The following VWA5B2 variants were observed in gnomAD, a reference collection of about 807,000 sequenced individuals.
The protein encoded by VWA5B2 is von Willebrand factor A domain-containing protein 5B2.
VWA5B2 carries 93 observed loss-of-function variants against 118.5 expected under a neutral mutation model. The ratio of observed to expected loss-of-function variants is 0.79; its 90% CI spans 0.66 to 0.93. The LOEUF (loss-of-function observed/expected upper bound fraction) is 0.93, where lower values mean the gene tolerates loss of function less well. Among genes scored for constraint, VWA5B2 ranks in the 40% least tolerant of loss-of-function variants. VWA5B2 has a pLI of 0.00. For synonymous variants in VWA5B2, 708 were observed against 716.3 expected, an observed-to-expected ratio of 0.99 and a Z score of 0.19; for missense variants, 1,546 against 1,672.8, an observed-to-expected ratio of 0.92 and a Z score of 1.32.
In VWA5B2 at chr3:184,237,267, T is replaced by C; in HGVS notation, c.1575T>C (p.Ser525=). The change falls in exon 12 of 20, where the codon AGT becomes AGC. Residue 525 remains serine (S), a synonymous_variant. Transcript: ENST00000691901. The surrounding 1 kb of genome is among the most constrained non-coding windows in gnomAD (Gnocchi z 5.6). ...ALRKALEPAL[S]DISVDWFVPD... ...GGAAGGCACTGGAGCCTGCTTTGAG[T>C]GACATCTCTGTGGACTGGTTTGTGC... 6.4e-7 allele frequency: 1 copy of C among 1,551,610 alleles called. No individual in the cohort carries two copies. Among genetic ancestry groups the C allele is most frequent in the Non-Finnish European group, 8.7e-7 (1 of 1,146,984 alleles).
In VWA5B2 at chr3:184,238,550, T is replaced by G; in HGVS notation, c.1892-13T>G. On this transcript the variant is annotated splice_polypyrimidine_tract_variant and intron_variant, in intron 13 of 19. Transcript: ENST00000691901. This position sits in a 1 kb window ranked among gnomAD's most constrained non-coding sequence, Gnocchi z 5.0. ...GGGTCAGGGCTAGGGCCCATTCTACTGCCTCCCAGCAGGTACTGATGCTCT... is the reference window on the plus strand; with the variant it reads ...GGGTCAGGGCTAGGGCCCATTCTACGGCCTCCCAGCAGGTACTGATGCTCT... The G allele has an allele frequency of 6.5e-7, 1 of 1,541,832 alleles. No individual in the cohort carries two copies. The highest frequency in any genetic ancestry group is 2.5e-5 in the East Asian group (1 of 40,666).
Position 184,237,432 on chromosome 3 carries a change from G to A in VWA5B2, c.1719+21G>A, listed in dbSNP as rs1718118103. The stretch of plus-strand genomic sequence containing the variant: ...CAGGGGTAAGCTTGGGCTGGGGTGT[G>A]GTAGGGGGGCTAGGGTGAGGTAGGG... On this transcript the variant is annotated intron_variant, in intron 12 of 19. Transcript: ENST00000691901. The surrounding 1 kb of genome is among the most constrained non-coding windows in gnomAD (Gnocchi z 5.6). 6 of 1,539,336 alleles carry A rather than the reference G, an allele frequency of 3.9e-6. No individual in the cohort carries two copies. The highest frequency in any genetic ancestry group is 4.4e-6 in the Non-Finnish European group (5 of 1,138,526).
At position 184,234,367 on chromosome 3, in the gene VWA5B2, CG is replaced by C. The variant is rs1717735623; in HGVS notation, c.793del (p.Ala265ProfsTer16). ...VTLAEGHHCD[R>X]ALEILLHPSE... is the part of the protein sequence containing the mutation. ...ACTGGCAGAGGGCCACCACTGTGACCGGGCCTTGGAGATCCTGCTGCACCCC... is the reference window on the plus strand; with the variant it reads ...ACTGGCAGAGGGCCACCACTGTGACCGGCCTTGGAGATCCTGCTGCACCCC... On this transcript the variant is annotated frameshift_variant, in exon 6 of 20. Coordinates refer to ENST00000691901, the MANE Select transcript of VWA5B2 (RefSeq NM_001390846.1). LOFTEE classifies it high-confidence loss of function. 6.4e-7 allele frequency: 1 copy of C among 1,551,640 alleles called. No individual in the cohort carries two copies. The highest frequency in any genetic ancestry group is 1.4e-5 in the African/African-American group (1 of 73,062).
intron 3 of VWA5B2, among the ~76,000 whole-genome samples, chr3:184,231,685 G>A (rs1027776898): frequency 2.6e-5 from 4 of 152,254 alleles, no homozygotes; most frequent in Non-Finnish European, 4.4e-5. Context: ...GGCCCAGCGA[G>A]TGCCCGGGGA....
chr3:184,240,782 G>A lies in VWA5B2; in HGVS notation c.2741-9G>A. On this transcript the variant is annotated splice_polypyrimidine_tract_variant and intron_variant, in intron 16 of 19. Transcript: ENST00000691901. ...TGGGGGCTCCACAGACTGCTCCTTGGTTCCACAGGCCATGCCCGGAGGTGC... is the reference window on the plus strand; with the variant it reads ...TGGGGGCTCCACAGACTGCTCCTTGATTCCACAGGCCATGCCCGGAGGTGC... 6.5e-7 allele frequency: 1 copy of A among 1,550,260 alleles called. No individual in the cohort carries two copies. Among genetic ancestry groups the A allele is most frequent in the Non-Finnish European group, 8.7e-7 (1 of 1,146,898 alleles).
intron 3 of VWA5B2, chr3:184,232,719 T>C (rs1717520066): frequency 6.2e-6 from 1 of 162,016 alleles, no homozygotes; most frequent in African/African-American, 2.4e-5. Flanking sequence ...GAGTAGAGAA[T>C]TCTGGAGCCA....
chr3:184,230,427 G>A lies in VWA5B2; in HGVS notation c.-102G>A. 7.8e-7 allele frequency: 1 copy of A among 1,289,088 alleles called. No homozygotes were observed. The allele number at this position is 1,289,088 out of a possible 1,614,324, so 79.9% of individuals were successfully genotyped here. On this transcript the variant is annotated 5_prime_UTR_variant, in exon 2 of 20. Transcript: ENST00000691901. ...CCCGGCAGGCCCCGTCCGGGTGCTG[G>A]AGTGAGACTCTCGCGCTGGCCTCTG...
chr3:184,238,476 T>C lies in VWA5B2; in HGVS notation c.1891+2T>C. 2 of 1,543,488 alleles carry C rather than the reference T, an allele frequency of 1.3e-6. No homozygotes were observed. The highest frequency in any genetic ancestry group is 1.2e-5 in the South Asian group (1 of 83,566). ...GGGCTGCCAGGGACTCGGAGCAGAG[T>C]GAGTGCCCAGGTGTATGTGTGTGGC... On this transcript the variant is annotated splice_donor_variant, in intron 13 of 19. Coordinates refer to ENST00000691901, the MANE Select transcript of VWA5B2 (RefSeq NM_001390846.1). LOFTEE classifies it high-confidence loss of function. This position sits in a 1 kb window ranked among gnomAD's most constrained non-coding sequence, Gnocchi z 5.0.
rs1021578020 is a variant in VWA5B2, at chr3:184,233,866, C to T, written c.688+133C>T. 1 of 1,282,344 alleles carries T rather than the reference C, an allele frequency of 7.8e-7. No homozygotes were observed. Among genetic ancestry groups the T allele is most frequent in the Non-Finnish European group, 1.1e-6 (1 of 948,936 alleles). The allele number at this position is 1,282,344 out of a possible 1,614,324, so 79.4% of individuals were successfully genotyped here. A position where few individuals can be genotyped will look rare whatever the true frequency, so the allele number is the denominator to read the frequency against. On this transcript the variant is annotated intron_variant, in intron 5 of 19. Transcript: ENST00000691901. The surrounding 1 kb of genome is among the most constrained non-coding windows in gnomAD (Gnocchi z 5.2). ...ACAGGGACCCCAGCCTCCGGAACAT[C>T]TGGGTTAGTGGTGGGAGCATCCCCT...
chr3:184,241,289 GCCCAC>G lies in VWA5B2; in HGVS notation c.3067_3071del (p.Pro1023SerfsTer17), dbSNP rs1718601989. 2 of 1,551,146 alleles carry G rather than the reference GCCCAC, an allele frequency of 1.3e-6. No individual in the cohort carries two copies. Among genetic ancestry groups the G allele is most frequent in the Admixed American group, 3.9e-5 (2 of 50,980 alleles). ...GCCACTCCCACGGAAGGTCCTCGCCGCCCACCTCCCCGTCCTCCCTGTCGGCTCAG... is the reference window on the plus strand; with the variant it reads ...GCCACTCCCACGGAAGGTCCTCGCCGCTCCCCGTCCTCCCTGTCGGCTCAG... On this transcript the variant is annotated frameshift_variant, in exon 19 of 20. Transcript: ENST00000691901. LOFTEE classifies it high-confidence loss of function. This position sits in a 1 kb window ranked among gnomAD's most constrained non-coding sequence, Gnocchi z 5.1.
At position 184,230,443 on chromosome 3, in the gene VWA5B2, C is replaced by G. The variant is rs1173306886; in HGVS notation, c.-86C>G. On this transcript the variant is annotated 5_prime_UTR_variant, in exon 2 of 20. Transcript: ENST00000691901. ...CGGGTGCTGGAGTGAGACTCTCGCGCTGGCCTCTGGAGCGCGGGGTGGGCG... is the reference window on the plus strand; with the variant it reads ...CGGGTGCTGGAGTGAGACTCTCGCGGTGGCCTCTGGAGCGCGGGGTGGGCG... 1 of 1,331,458 alleles carries G rather than the reference C, an allele frequency of 7.5e-7. No homozygotes were observed. Among genetic ancestry groups the G allele is most frequent in the African/African-American group, 1.6e-5 (1 of 64,232 alleles). The allele number at this position is 1,331,458 out of a possible 1,614,324, so 82.5% of individuals were successfully genotyped here.
Position 184,241,864 on chromosome 3 carries a change from C to G in VWA5B2, c.3555C>G (p.Asp1185Glu), listed in dbSNP as rs780920014. The change falls in exon 20 of 20, where the codon GAC becomes GAG. Residue 1185 changes from aspartate (D) to glutamate (E), a missense_variant. Asp to Glu is a conservative substitution (Grantham distance 45, BLOSUM62 2). This residue lies in a region of VWA5B2 where 763 missense variants were observed against 766.6 expected (regional missense o/e 1.00). Coordinates refer to ENST00000691901, the MANE Select transcript of VWA5B2 (RefSeq NM_001390846.1). The surrounding 1 kb of genome is among the most constrained non-coding windows in gnomAD (Gnocchi z 5.1). ...WLEHRCAAAF[D>E]EWELTAAKAD... ...AGCACCGATGCGCCGCTGCCTTCGA[C>G]GAGTGGGAACTGACAGCGGCCAAGG... 5.2e-6 allele frequency: 8 copies of G among 1,544,426 alleles called. No individual in the cohort carries two copies. Among genetic ancestry groups the G allele is most frequent in the African/African-American group, 1.4e-5 (1 of 73,042 alleles).
At chr3:184,234,975 C>G in intron 7 of VWA5B2, 178 bp from the exon 8 acceptor site, 1 of 1,061,088 alleles carries the variant, frequency 9.4e-7, no homozygotes, top group Non-Finnish European at 1.3e-6. Context: ...GAGGCTAGGT[C>G]TGATATAAAC....
intron 16 of VWA5B2, 43 bp from the exon 17 acceptor site, chr3:184,240,748 G>A (rs765952673): frequency 1.9e-6 from 3 of 1,545,584 alleles, no homozygotes; most frequent in Non-Finnish European, 8.7e-7. Flanking sequence ...CTCTGTAGAG[G>A]GTGGGTGGTG....
At chr3:184,234,557 C>T (rs1016581378) in intron 6 of VWA5B2, 74 bp from the exon 7 acceptor site, 14 of 1,533,264 alleles carry the variant, frequency 9.1e-6, no homozygotes, top group African/African-American at 1.4e-5. Flanking sequence ...CAGGCTCCTC[C>T]TGGACAGTGA....
chr3:184,236,127 C>T lies in VWA5B2; in HGVS notation c.1102-25C>T, dbSNP rs542160653. On this transcript the variant is annotated intron_variant, in intron 8 of 19. Coordinates refer to ENST00000691901, the MANE Select transcript of VWA5B2 (RefSeq NM_001390846.1). ...ATCAGGGCCCATGGGGCCGGCCTCA[C>T]GCCGCCCTCCCTGGCCCTCCACAGG... 2.9e-5 allele frequency: 45 copies of T among 1,545,188 alleles called. No homozygotes were observed. The East Asian group carries it at 7.1e-4, about 24-fold the overall frequency.
chr3:184,233,794 T>C lies in VWA5B2; in HGVS notation c.688+61T>C. ...TGCCCACTCCACCCAGTGTAGTGACTGGAAGGGAAATAAGGCTCAGGGATA... is the reference window on the plus strand; with the variant it reads ...TGCCCACTCCACCCAGTGTAGTGACCGGAAGGGAAATAAGGCTCAGGGATA... On this transcript the variant is annotated intron_variant, in intron 5 of 19. Transcript: ENST00000691901. This position sits in a 1 kb window ranked among gnomAD's most constrained non-coding sequence, Gnocchi z 5.2. The C allele has an allele frequency of 6.5e-7, 1 of 1,531,464 alleles. No homozygotes were observed. The highest frequency in any genetic ancestry group is 8.8e-7 in the Non-Finnish European group (1 of 1,137,434). The allele number at this position is 1,531,464 out of a possible 1,614,324, so 94.9% of individuals were successfully genotyped here.
intron 1 of VWA5B2, among the ~76,000 whole-genome samples, chr3:184,229,955 T>A (rs1717198781): frequency 6.6e-6 from 1 of 151,912 alleles, no homozygotes; most frequent in East Asian, 1.9e-4. Flanking sequence ...ACCCCTCCAC[T>A]CCGGCCAGCA....
Position 184,242,045 on chromosome 3 carries a change from C to G in VWA5B2, c.*7C>G, listed in dbSNP as rs1577099445. On this transcript the variant is annotated 3_prime_UTR_variant, in exon 20 of 20. Transcript: ENST00000691901. ...CAGCCCAGCGAACGTGTGAAGGCTG[C>G]CCCCTGCTGCTTGGGCTGGCGCCCC... is the stretch of plus-strand genomic sequence containing the variant. 6.5e-7 allele frequency: 1 copy of G among 1,547,990 alleles called. No homozygotes were observed. Among genetic ancestry groups the G allele is most frequent in the Non-Finnish European group, 8.7e-7 (1 of 1,146,862 alleles).
Sources: allele counts gnomAD v4.1 joint callset (sites outside exome capture counted in the v4.1 genomes callset), GRCh38; gene constraint gnomAD v4.1.1; regional missense constraint gnomAD v4.1.1; non-coding constraint Gnocchi (gnomAD v3.1); transcripts MANE v1.5; gene names NCBI Gene and HGNC (gene_info 2026-07-23, HGNC 2026-07-21).